Variants in SETBP1 observed in about 807,000 individuals in gnomAD.
The protein encoded by SETBP1 is SET binding protein 1, also known as SET-binding protein.
In SETBP1, 9 loss-of-function variants were observed where a neutral mutation model predicts 101.0. The ratio of observed to expected loss-of-function variants is 0.09; its 90% CI spans 0.05 to 0.16. The LOEUF is 0.16. Ranked by LOEUF, SETBP1 falls within the 10% of genes least tolerant of loss-of-function variation. The pLI, the probability that SETBP1 is intolerant of heterozygous loss-of-function variation, is 1.00. For synonymous variants in SETBP1, 818 were observed against 788.5 expected, an observed-to-expected ratio of 1.04 and a Z score of -0.63; for missense variants, 1,858 against 2,033.8, an observed-to-expected ratio of 0.91 and a Z score of 1.66.
intron 2 of SETBP1, among the ~76,000 whole-genome samples, chr18:44,782,870 C>G (rs2071161825): frequency 6.6e-6 from 1 of 152,090 alleles, no homozygotes; most frequent in Non-Finnish European, 1.5e-5. Flanking sequence ...TTATATCTTA[C>G]CACTGGGAAG....
chr18:44,950,017 C>G lies in SETBP1; in HGVS notation c.677C>G (p.Ser226Cys), dbSNP rs753661124. 3 of 1,614,198 alleles carry G rather than the reference C, an allele frequency of 1.9e-6. No homozygotes were observed. The highest frequency in any genetic ancestry group is 2.5e-6 in the Non-Finnish European group (3 of 1,180,016). ...SQNHMDWSTN[S>C]DSGPVTQNCF... is the part of the protein sequence containing the mutation. ...AACCACATGGACTGGTCCACCAACT[C>G]TGACAGCGGACCCGTCACTCAGAAT... The change falls in exon 4 of 6, where the codon TCT becomes TGT. Residue 226 changes from serine to cysteine, a missense_variant. Ser to Cys is a moderately radical substitution (Grantham distance 112, BLOSUM62 -1). Coordinates refer to ENST00000649279, the MANE Select transcript of SETBP1 (RefSeq NM_015559.3).
chr18:44,972,539 T>C (rs530546124), intron 4 of SETBP1, among the ~76,000 whole-genome samples: 1 of 152,326 alleles, frequency 6.6e-6, no homozygotes, highest in African/African-American at 2.4e-5. Context: ...GTTTGTATCC[T>C]CTTTTATTTC....
At chr18:44,817,079 CA>C (rs2071994727) in intron 2 of SETBP1, among the ~76,000 whole-genome samples, 1 of 152,212 alleles carries the variant, frequency 6.6e-6, no homozygotes, top group African/African-American at 2.4e-5. Context: ...CGGATCTGCA[CA>C]GTGGCACAGC....
At chr18:45,013,405 T>C (rs2072878382) in intron 4 of SETBP1, among the ~76,000 whole-genome samples, 1 of 152,040 alleles carries the variant, frequency 6.6e-6, no homozygotes, top group South Asian at 2.1e-4. Flanking sequence ...TATCTGACTG[T>C]TTCTGACTCT....
chr18:45,051,351 CA>C (rs994891655), intron 5 of SETBP1, among the ~76,000 whole-genome samples: 1 of 151,064 alleles, frequency 6.6e-6, no homozygotes, highest in African/African-American at 2.4e-5. Flanking sequence ...AATTTTTTTT[CA>C]AAAAACTCCT....
chr18:44,784,658 A>G (rs1458736786), intron 2 of SETBP1, among the ~76,000 whole-genome samples: 1 of 152,184 alleles, frequency 6.6e-6, no homozygotes, highest in East Asian at 1.9e-4. Flanking sequence ...GCTCCAATAG[A>G]CTTATTTTTC....
At position 44,991,244 on chromosome 18, in the gene SETBP1, CAAAAAAAAA is replaced by C. The variant is rs55811938; in HGVS notation, c.4000+37918_4000+37926del. Among the ~76,000 whole-genome samples the C allele has an allele frequency of 7.8e-3, 535 of 68,242 alleles. 1 individual carries two copies. Among genetic ancestry groups the C allele is most frequent in the Non-Finnish European group, 0.012 (411 of 35,314 alleles). The allele number at this position is 68,242 out of a possible 152,430, so 44.8% of individuals were successfully genotyped here. The stretch of plus-strand genomic sequence containing the variant: ...AGTGACAGAGCGAGACTGCATCTCA[CAAAAAAAAA>C]AAAAAAAAAAAAAGGAAGAAACAAG... On this transcript the variant is annotated intron_variant, in intron 4 of 5. Coordinates refer to ENST00000649279, the MANE Select transcript of SETBP1 (RefSeq NM_015559.3).
chr18:44,883,962 T>C (rs528859672), intron 3 of SETBP1, among the ~76,000 whole-genome samples: 1 of 152,338 alleles, frequency 6.6e-6, no homozygotes, highest in Admixed American at 6.5e-5. Flanking sequence ...GCACTTCTGC[T>C]AAACTAATTG....
intron 4 of SETBP1, among the ~76,000 whole-genome samples, chr18:44,995,947 C>T (rs950608478): frequency 7.9e-5 from 12 of 152,136 alleles, no homozygotes; most frequent in Admixed American, 1.3e-4. Flanking sequence ...TTTTATGGTC[C>T]ACATATAGGC....
chr18:44,838,122 T>C (rs1353264647), intron 2 of SETBP1, among the ~76,000 whole-genome samples: 1 of 152,204 alleles, frequency 6.6e-6, no homozygotes, highest in Non-Finnish European at 1.5e-5. Flanking sequence ...GAGCAGCCCA[T>C]GCCTGGCTCT....
intron 3 of SETBP1, among the ~76,000 whole-genome samples, chr18:44,887,885 A>G (rs2144767622): frequency 6.6e-6 from 1 of 152,282 alleles, no homozygotes; most frequent in East Asian, 1.9e-4. Context: ...AAGGAGCAAC[A>G]GCAGGTTATC....
chr18:44,787,892 T>A, intron 2 of SETBP1, among the ~76,000 whole-genome samples: 1 of 118,534 alleles, frequency 8.4e-6, no homozygotes, highest in African/African-American at 3.1e-5. Context: ...AAAATTGTTC[T>A]CTAAGGAAAA....
intron 2 of SETBP1, among the ~76,000 whole-genome samples, chr18:44,818,541 T>C (rs1018324947): frequency 1.3e-5 from 2 of 152,130 alleles, no homozygotes; most frequent in Non-Finnish European, 2.9e-5. Context: ...TTCTGTGGGC[T>C]TTGTTTAATG....
chr18:44,782,138 C>T (rs1231721662), intron 2 of SETBP1, among the ~76,000 whole-genome samples: 1 of 152,166 alleles, frequency 6.6e-6, no homozygotes, highest in East Asian at 1.9e-4. Context: ...AGGCACACTG[C>T]TTCCAGCAGG....
At chr18:45,000,793 A>AACACAC (rs113870439) in intron 4 of SETBP1, among the ~76,000 whole-genome samples, 37,334 of 146,508 alleles carry the variant, frequency 0.25, 4,793 homozygotes, top group East Asian at 0.36. Flanking sequence ...GAATGCACAC[A>AACACAC]ACACACACAC....
chr18:44,836,398 T>A (rs1360580950), intron 2 of SETBP1, among the ~76,000 whole-genome samples: 1 of 152,144 alleles, frequency 6.6e-6, no homozygotes, highest in Non-Finnish European at 1.5e-5. Context: ...TTTAAAGCCA[T>A]AGAATGGAAA....
chr18:44,772,600 C>A (rs750569669), intron 2 of SETBP1, among the ~76,000 whole-genome samples: 1 of 152,126 alleles, frequency 6.6e-6, no homozygotes, highest in Non-Finnish European at 1.5e-5. Flanking sequence ...CAGAGTGATG[C>A]GTCTGTTCTT....
chr18:44,952,951 A>G lies in SETBP1; in HGVS notation c.3611A>G (p.Asn1204Ser), dbSNP rs938877720. ...GAGCTCCCGCTGGTGAGTGAGAAGA[A>G]CAAGCATAAGGAGAAACAGAAGCAC... ...DKELPLVSEK[N>S]KHKEKQKHQH... The change falls in exon 4 of 6, where the codon AAC (asparagine) becomes AGC (serine). Residue 1204 changes from asparagine to serine, a missense_variant. Asn to Ser is a conservative substitution (Grantham distance 46, BLOSUM62 1). Transcript: ENST00000649279. 2 of 1,614,188 alleles carry G rather than the reference A, an allele frequency of 1.2e-6. No homozygotes were observed. Among genetic ancestry groups the G allele is most frequent in the Non-Finnish European group, 1.7e-6 (2 of 1,180,030 alleles).
chr18:44,903,492 A>G (rs927452737), intron 3 of SETBP1, among the ~76,000 whole-genome samples: 6 of 152,178 alleles, frequency 3.9e-5, no homozygotes, highest in African/African-American at 1.4e-4. Context: ...TTTTAAACCA[A>G]TCTACAGAGA....
Sources: gnomAD v4.1 joint callset for allele counts (sites outside exome capture counted in the v4.1 genomes callset) on GRCh38, gnomAD v4.1.1 for gene constraint, MANE v1.5 for transcripts, NCBI Gene and HGNC (gene_info 2026-07-23, HGNC 2026-07-21) for gene names.